STK40: variants seen among roughly 807,000 people sequenced by gnomAD.
STK40 encodes serine/threonine kinase 40, also known as serine/threonine-protein kinase 40.
Under a neutral mutation model 47.9 loss-of-function variants are expected in STK40, and 13 were observed. That is an observed-to-expected ratio of 0.27 (90% confidence interval 0.18 to 0.43). The LOEUF (loss-of-function observed/expected upper bound fraction) is 0.43. Among genes scored for constraint, STK40 ranks in the 20% least tolerant of loss-of-function variants. The pLI, the probability that STK40 is intolerant of heterozygous loss-of-function variation, is 1.00. For missense variants in STK40, 460 were observed against 595.1 expected (o/e 0.77, Z 2.36); for synonymous variants, 225 against 243.2 (o/e 0.93, Z 0.69).
intron 1 of STK40, chr1:36,367,810 A>G: frequency 1.0e-6 from 1 of 985,934 alleles, no homozygotes; most frequent in African/African-American, 1.7e-5. Context: ...GCATCCCCAC[A>G]GGCAGCCACA....
rs142333638 is a variant in STK40, at chr1:36,358,275, C to T, written c.306G>A (p.Thr102=). The T allele has an allele frequency of 1.9e-5, 31 of 1,601,502 alleles. No individual in the cohort carries two copies. The African/African-American group carries it at 2.9e-4, about 15-fold the overall frequency. ...CGTGGTGGTGCACCACGCCATCCTG[C>T]GTGTGCAGGAGAGACAGCAGTGAGT... ...TEYSLLSLLH[T]QDGVVHHHGL... is the part of the protein sequence containing the mutation. Residue 102 remains threonine (T), a synonymous_variant, in exon 4 of 11, where the codon ACG becomes ACA. Transcript: ENST00000373132.
chr1:36,373,766 T>G (rs1258409987), intron 1 of STK40, among the ~76,000 whole-genome samples: 3 of 152,246 alleles, frequency 2.0e-5, no homozygotes, highest in Non-Finnish European at 4.4e-5. Flanking sequence ...AGCTCCAATT[T>G]GTCAAGAATA....
In STK40 at chr1:36,355,699, T is replaced by C. The variant is rs548943248; in HGVS notation, c.343-266A>G. On this transcript the variant is annotated intron_variant, in intron 4 of 10. Transcript: ENST00000373132. ...AGGTGAAGGCTTAATGCTTTGATCA[T>C]AATGCAAAGGATTCAGATCAGGTCT... Among the ~76,000 whole-genome samples the C allele has an allele frequency of 2.0e-5, 3 of 152,336 alleles. No individual in the cohort carries two copies. The South Asian group carries it at 6.2e-4, about 32-fold the overall frequency.
intron 6 of STK40, among the ~76,000 whole-genome samples, chr1:36,351,624 A>G (rs550198107): frequency 6.6e-6 from 1 of 152,328 alleles, no homozygotes; most frequent in South Asian, 2.1e-4. Context: ...GACACTGGGT[A>G]TGAGTGAGGC....
intron 1 of STK40, among the ~76,000 whole-genome samples, chr1:36,373,493 C>T (rs754694576): frequency 4.6e-4 from 70 of 152,174 alleles, no homozygotes; most frequent in Admixed American, 1.2e-3. Context: ...GTCTGAATGA[C>T]AGCCATCCCT....
chr1:36,360,101 C>T (rs190872946), intron 2 of STK40, among the ~76,000 whole-genome samples: 21 of 152,314 alleles, frequency 1.4e-4, no homozygotes, highest in Non-Finnish European at 2.9e-4. Flanking sequence ...GTTGTTTACT[C>T]TGTTTCTCTG....
intron 1 of STK40, among the ~76,000 whole-genome samples, chr1:36,383,292 G>C (rs1479887586): frequency 1.3e-5 from 2 of 152,228 alleles, no homozygotes; most frequent in Non-Finnish European, 2.9e-5. Flanking sequence ...CCAAAGGTCA[G>C]ATTAAAAGCA....
intron 7 of STK40, among the ~76,000 whole-genome samples, chr1:36,344,771 C>T (rs1206428488): frequency 1.3e-5 from 2 of 152,228 alleles, no homozygotes; most frequent in Non-Finnish European, 2.9e-5. Flanking sequence ...GTGTTCACTG[C>T]TGAGCCCCAG....
intron 7 of STK40, among the ~76,000 whole-genome samples, chr1:36,346,676 TTCAG>T (rs1417354135): frequency 3.3e-5 from 5 of 152,352 alleles, no homozygotes; most frequent in African/African-American, 1.2e-4. Context: ...TTCTCTCTGA[TTCAG>T]TCAGATTCCT....
At chr1:36,347,087 G>C (rs1302648547) in intron 7 of STK40, among the ~76,000 whole-genome samples, 1 of 152,276 alleles carries the variant, frequency 6.6e-6, no homozygotes, top group East Asian at 1.9e-4. Context: ...TTTGCACACG[G>C]GCAGCCCTGG....
intron 1 of STK40, among the ~76,000 whole-genome samples, chr1:36,369,436 C>T (rs1056881534): frequency 1.2e-4 from 19 of 152,176 alleles, no homozygotes; most frequent in Admixed American, 1.1e-3. Flanking sequence ...ACCCCAATTC[C>T]TCAGTGAGCC....
At position 36,361,205 on chromosome 1, in the gene STK40, A is replaced by C; in HGVS notation, c.112+16T>G. The C allele has an allele frequency of 6.2e-7, 1 of 1,613,722 alleles. No individual in the cohort carries two copies. Among genetic ancestry groups the C allele is most frequent in the Non-Finnish European group, 8.5e-7 (1 of 1,179,926 alleles). On this transcript the variant is annotated intron_variant, in intron 2 of 10. Transcript: ENST00000373132. ...CCTCCCAGCCCACCCATTTTTCCCA[A>C]AGGTCAGAGGCTTACCAAGGATGAA... is the stretch of plus-strand genomic sequence containing the variant.
At chr1:36,366,345 C>T (rs566880649) in intron 1 of STK40, among the ~76,000 whole-genome samples, 23 of 152,290 alleles carry the variant, frequency 1.5e-4, no homozygotes, top group South Asian at 1.0e-3. Flanking sequence ...GCAACAGACG[C>T]GCAGGGAGAT....
intron 6 of STK40, among the ~76,000 whole-genome samples, chr1:36,349,253 C>T (rs1646730332): frequency 1.1e-4 from 16 of 152,220 alleles, no homozygotes; most frequent in Admixed American, 1.0e-3. Flanking sequence ...AGGTGAGTGA[C>T]TCCACCTTGG....
chr1:36,356,721 G>A (rs112195799), intron 4 of STK40, among the ~76,000 whole-genome samples: 7,925 of 152,028 alleles, frequency 0.052, 700 homozygotes, highest in African/African-American at 0.18. Flanking sequence ...TACCTCGCCC[G>A]GCCTCCACAT....
chr1:36,344,309 C>T (rs1433989982), intron 7 of STK40, 45 bp from the exon 8 acceptor site: 1 of 1,524,066 alleles, frequency 6.6e-7, no homozygotes, highest in Non-Finnish European at 8.8e-7. Context: ...CACAGCACCA[C>T]CGTGGCTCAC....
chr1:36,342,774 C>CCT (rs1646667097), intron 10 of STK40: 1 of 181,344 alleles, frequency 5.5e-6, no homozygotes, highest in South Asian at 1.3e-4. Context: ...CCCTCCTGGT[C>CCT]CTACCTGCAC....
chr1:36,377,869 TGG>T (rs1647005219), intron 1 of STK40, among the ~76,000 whole-genome samples: 1 of 152,212 alleles, frequency 6.6e-6, no homozygotes, highest in African/African-American at 2.4e-5. Context: ...TTGCTGGAGC[TGG>T]CCCCTGGGTC....
In STK40 at chr1:36,367,824, G is replaced by A; in HGVS notation, c.-8-6484C>T. On this transcript the variant is annotated intron_variant, in intron 1 of 10. Coordinates refer to ENST00000373132, the MANE Select transcript of STK40 (RefSeq NM_001282547.2). Reference sequence around the variant, plus strand: ...AGCATCCCCACAGGCAGCCACATAGGAGCGCACACATGCTGGCAATTACCT... The same window carrying A: ...AGCATCCCCACAGGCAGCCACATAGAAGCGCACACATGCTGGCAATTACCT... 7 of 985,774 alleles carry A rather than the reference G, an allele frequency of 7.1e-6. No homozygotes were observed. In the South Asian group the frequency reaches 3.3e-4, roughly 46 times the overall value. 61.1% of individuals were successfully genotyped at this position (985,774 alleles called of 1,614,324 possible).
Sources: allele counts gnomAD v4.1 joint callset (sites outside exome capture counted in the v4.1 genomes callset), GRCh38; gene constraint gnomAD v4.1.1; transcripts MANE v1.5; gene names NCBI Gene and HGNC (gene_info 2026-07-23, HGNC 2026-07-21).